EGFR: variants seen among roughly 807,000 people sequenced by gnomAD.
EGFR encodes avian erythroblastic leukemia viral (v-erb-b) oncogene homolog.
In EGFR, 58 loss-of-function variants were observed where a neutral mutation model predicts 143.0. The ratio of observed to expected loss-of-function variants is 0.41; its 90% confidence interval spans 0.33 to 0.50. The LOEUF is 0.50. Among genes scored for constraint, EGFR ranks in the 20% least tolerant of loss-of-function variants. The pLI, the probability that EGFR is intolerant of heterozygous loss-of-function variation, is 0.39. For synonymous variants in EGFR, 613 were observed against 594.4 expected, an observed-to-expected ratio of 1.03 and a Z score of -0.45; for missense variants, 1,307 against 1,579.0, an observed-to-expected ratio of 0.83 and a Z score of 2.92.
At chr7:55,060,762 G>A (rs1439416842) in intron 1 of EGFR, among the ~76,000 whole-genome samples, 4 of 152,206 alleles carry the variant, frequency 2.6e-5, no homozygotes, top group Non-Finnish European at 5.9e-5. Context: ...CCCTGTGAAA[G>A]GGTATGAGTA....
rs1234218677 is a variant in EGFR, at chr7:55,170,192, A to G, written c.1881-983A>G. On this transcript the variant is annotated intron_variant, in intron 15 of 27. Transcript: ENST00000275493. ...ACCCCCAAATTAAGAAGAGCAGTGT[A>G]GAGAACAGAGACCTGGAGAGCAGAG... 5.1e-6 allele frequency: 8 copies of G among 1,578,198 alleles called. No individual in the cohort carries two copies. The South Asian group carries it at 5.7e-5, about 11-fold the overall frequency.
At chr7:55,037,838 A>C (rs1171851176) in intron 1 of EGFR, among the ~76,000 whole-genome samples, 1 of 152,202 alleles carries the variant, frequency 6.6e-6, no homozygotes, top group Non-Finnish European at 1.5e-5. Flanking sequence ...AAAAAACTTA[A>C]CACCTTCCTC....
At chr7:55,068,469 T>C (rs1583960209) in intron 1 of EGFR, among the ~76,000 whole-genome samples, 1 of 152,184 alleles carries the variant, frequency 6.6e-6, no homozygotes, top group African/African-American at 2.4e-5. Flanking sequence ...TAGGCAATGG[T>C]TTTCTTCAGA....
At chr7:55,157,421 G>A (rs41318645) in intron 10 of EGFR, among the ~76,000 whole-genome samples, 1 of 152,232 alleles carries the variant, frequency 6.6e-6, no homozygotes, top group South Asian at 2.1e-4. Flanking sequence ...CCACAGCCAG[G>A]GGGGCGGCGG....
chr7:55,188,192 C>T (rs774273348), intron 20 of EGFR, among the ~76,000 whole-genome samples: 13 of 152,212 alleles, frequency 8.5e-5, no homozygotes, highest in Non-Finnish European at 1.8e-4. Flanking sequence ...CAGAACCACG[C>T]GGCCTTCTCG....
At chr7:55,059,066 C>T (rs1789008251) in intron 1 of EGFR, among the ~76,000 whole-genome samples, 1 of 152,188 alleles carries the variant, frequency 6.6e-6, no homozygotes, top group South Asian at 2.1e-4. Flanking sequence ...TGTGGGCCTC[C>T]TGTGAGCACC....
intron 1 of EGFR, among the ~76,000 whole-genome samples, chr7:55,089,110 A>G (rs202028278): frequency 0.038 from 3,358 of 87,580 alleles, 54 homozygotes; most frequent in Non-Finnish European, 0.057. Flanking sequence ...ATATTTTTGT[A>G]TATATGAGCT....
At chr7:55,156,908 G>A in intron 10 of EGFR, 76 bp downstream of exon 10, 3 of 1,603,656 alleles carry the variant, frequency 1.9e-6, no homozygotes, top group Middle Eastern at 1.7e-4. Context: ...CATATTTCCT[G>A]TTCCCTTGGA....
chr7:55,043,126 T>G (rs1021401604), intron 1 of EGFR, among the ~76,000 whole-genome samples: 1 of 152,134 alleles, frequency 6.6e-6, no homozygotes, highest in Non-Finnish European at 1.5e-5. Flanking sequence ...GCGTTCAAGG[T>G]GGCATGGCCG....
intron 1 of EGFR, among the ~76,000 whole-genome samples, chr7:55,058,255 G>A (rs894639717): frequency 8.5e-5 from 13 of 152,262 alleles, no homozygotes; most frequent in East Asian, 1.9e-4. Context: ...TTAGCCAGGC[G>A]CGGTGGCAGG....
chr7:55,053,573 A>C (rs1295821238), intron 1 of EGFR, among the ~76,000 whole-genome samples: 1 of 152,232 alleles, frequency 6.6e-6, no homozygotes, highest in Non-Finnish European at 1.5e-5. Context: ...TTGCGGAGCA[A>C]TGCCTGTTTC....
chr7:55,096,856 A>G (rs1272770313), intron 1 of EGFR, among the ~76,000 whole-genome samples: 1 of 152,178 alleles, frequency 6.6e-6, no homozygotes, highest in Non-Finnish European at 1.5e-5. Context: ...TCCTGGAGTC[A>G]TGGGAGGTGC....
rs370744986 is a variant in EGFR, at chr7:55,152,639, C to G, written c.722C>G (p.Thr241Arg). The stretch of plus-strand genomic sequence containing the variant: ...CACAACCAGTGTGCTGCAGGCTGCA[C>G]AGGCCCCCGGGAGAGCGACTGCCTG... ...CCHNQCAAGCTGPRESDCLVC... is the reference protein window; with the variant it reads ...CCHNQCAAGCRGPRESDCLVC... Residue 241 changes from threonine (T) to arginine (R), a missense_variant, in exon 6 of 28, where the codon ACA becomes AGA. Physicochemically the swap from Thr to Arg is moderately conservative, Grantham distance 71 (BLOSUM62 -1). Transcript: ENST00000275493. The G allele has an allele frequency of 6.2e-7, 1 of 1,613,816 alleles. No homozygotes were observed.
rs1206299821 is a variant in EGFR at position 55,207,094 on chromosome 7, T to TCCCC, written c.*1479_*1480insCCCC. 2.1e-5 allele frequency: 5 copies of TCCCC among 232,820 alleles called. No individual in the cohort carries two copies. The highest frequency in any genetic ancestry group is 1.1e-4 in the African/African-American group (5 of 45,330). 14.4% of individuals were successfully genotyped at this position (232,820 alleles called of 1,614,324 possible). ...CTGTAACCTGACTGGTTAACAGCAG[T>TCCCC]CCTTTGTAAACAGTGTTTTAAACTC... On this transcript the variant is annotated 3_prime_UTR_variant, in exon 28 of 28. Transcript: ENST00000275493.
chr7:55,087,279 A>G (rs918509444), intron 1 of EGFR, among the ~76,000 whole-genome samples: 6 of 138,340 alleles, frequency 4.3e-5, no homozygotes, highest in African/African-American at 1.7e-4. Context: ...TTGTTAAAAA[A>G]AAAACAAAAA....
intron 1 of EGFR, among the ~76,000 whole-genome samples, chr7:55,035,012 G>A (rs1262369885): frequency 6.6e-6 from 1 of 152,184 alleles, no homozygotes; most frequent in Non-Finnish European, 1.5e-5. Context: ...CAGCACAGTA[G>A]TGGCATGTGA....
chr7:55,151,219 C>A, intron 4 of EGFR, 75 bp from the exon 5 acceptor site: 1 of 1,442,122 alleles, frequency 6.9e-7, no homozygotes, highest in Non-Finnish European at 9.8e-7. Flanking sequence ...ATGTGCTTAA[C>A]TCAGGCCCGG....
chr7:55,146,756 A>G lies in EGFR; in HGVS notation c.559+16A>G, dbSNP rs762104816. The stretch of plus-strand genomic sequence containing the variant: ...CTGGGCAGCTGTAAGTGTCGCATAC[A>G]CACTATCTCTGCCTCCAGCTCCTAT... On this transcript the variant is annotated intron_variant, in intron 4 of 27. Coordinates refer to ENST00000275493, the MANE Select transcript of EGFR (RefSeq NM_005228.5). 1.5e-5 allele frequency: 24 copies of G among 1,613,990 alleles called. No homozygotes were observed. Among genetic ancestry groups the G allele is most frequent in the Non-Finnish European group, 1.9e-5 (23 of 1,180,026 alleles).
rs2128964723 is a variant in EGFR at position 55,191,871 on chromosome 7, C to A, written c.2622C>A (p.Gly874=). ...AEEKEYHAEG[G]KVPIKWMALE... ...AGAAAGAATACCATGCAGAAGGAGG[C>A]AAAGTAAGGAGGTGGCTTTAGGTCA... Residue 874 remains glycine, a synonymous_variant, in exon 21 of 28, where the codon GGC becomes GGA. Transcript: ENST00000275493. 6.2e-7 allele frequency: 1 copy of A among 1,613,650 alleles called. No individual in the cohort carries two copies. The highest frequency in any genetic ancestry group is 8.5e-7 in the Non-Finnish European group (1 of 1,180,012).
Sources: allele counts gnomAD v4.1 joint callset (sites outside exome capture counted in the v4.1 genomes callset), GRCh38; gene constraint gnomAD v4.1.1; transcripts MANE v1.5; gene names NCBI Gene and HGNC (gene_info 2026-07-23, HGNC 2026-07-21).